The following ARIH2 variants were observed in gnomAD, a reference collection of about 807,000 sequenced individuals.
ARIH2 encodes the protein E3 ubiquitin-protein ligase ARIH2.
A neutral mutation model predicts 79.8 loss-of-function variants in ARIH2; 12 were observed. The ratio of observed to expected loss-of-function variants is 0.15; its 90% CI spans 0.10 to 0.24. The LOEUF (loss-of-function observed/expected upper bound fraction) is 0.24, where lower values mean the gene tolerates loss of function less well. Ranked by LOEUF, ARIH2 falls within the 10% of genes least tolerant of loss-of-function variation. ARIH2 has a pLI of 1.00. For missense variants in ARIH2, 301 were observed against 618.3 expected (o/e 0.49, Z 5.44); for synonymous variants, 224 against 213.9 (o/e 1.05, Z -0.41).
At chr3:48,925,418 CTT>C (rs34604342) in intron 2 of ARIH2, among the ~76,000 whole-genome samples, 264 of 145,310 alleles carry the variant, frequency 1.8e-3, no homozygotes, top group Middle Eastern at 3.5e-3. Context: ...CAGCTGATTT[CTT>C]TTTTTTTTTT....
chr3:48,958,664 G>A (rs1442893056), intron 3 of ARIH2, among the ~76,000 whole-genome samples: 4 of 151,922 alleles, frequency 2.6e-5, no homozygotes, highest in South Asian at 2.1e-4. Flanking sequence ...AGTCGAGATC[G>A]TACCACTGCA....
chr3:48,964,558 G>T (rs1327374341), intron 4 of ARIH2, among the ~76,000 whole-genome samples: 1 of 148,858 alleles, frequency 6.7e-6, no homozygotes, highest in Non-Finnish European at 1.5e-5. Context: ...CAAGTGATCT[G>T]CCCGCCTCGG....
chr3:48,925,931 G>T (rs2085529093), intron 2 of ARIH2, among the ~76,000 whole-genome samples: 1 of 151,986 alleles, frequency 6.6e-6, no homozygotes, highest in Non-Finnish European at 1.5e-5. Flanking sequence ...CGTTGGCCAG[G>T]ATGCTCTTGA....
rs1261607906 is a variant in ARIH2 at position 48,949,202 on chromosome 3, CCACCTCCTGGGTTCATGG to C, written c.256-12407_256-12390del. 9.3e-5 allele frequency: 40 copies of C among 431,562 alleles called. No individual in the cohort carries two copies. In the Middle Eastern group the frequency reaches 4.3e-3, roughly 47 times the overall value. The allele number at this position is 431,562 out of a possible 1,614,324, so 26.7% of individuals were successfully genotyped here. On this transcript the variant is annotated intron_variant, in intron 3 of 15. Transcript: ENST00000356401. The stretch of plus-strand genomic sequence containing the variant: ...GCACGATCTCGGCTCACTGCAAGCT[CCACCTCCTGGGTTCATGG>C]CATTCTCCTGCCTCAGCCTCCTGAG...
intron 3 of ARIH2, among the ~76,000 whole-genome samples, chr3:48,949,751 AC>A (rs1171155396): frequency 3.9e-5 from 6 of 151,918 alleles, no homozygotes. Context: ...AGAATTCTTT[AC>A]ATAGTTTGAA....
chr3:48,939,727 C>T (rs1293988212), intron 3 of ARIH2, among the ~76,000 whole-genome samples: 9 of 126,748 alleles, frequency 7.1e-5, no homozygotes, highest in Admixed American at 2.0e-4. Flanking sequence ...CACTGCACTC[C>T]AGCCTGGGTG....
intron 8 of ARIH2, among the ~76,000 whole-genome samples, chr3:48,971,032 C>T (rs546735189): frequency 1.1e-4 from 17 of 152,304 alleles, no homozygotes; most frequent in African/African-American, 3.6e-4. Context: ...AAGATATAAA[C>T]TTGAACATTT....
chr3:48,961,044 G>A (rs1256312582), intron 3 of ARIH2, among the ~76,000 whole-genome samples: 1 of 152,184 alleles, frequency 6.6e-6, no homozygotes, highest in East Asian at 1.9e-4. Context: ...AGCATATAGA[G>A]GCCAGAAAGG....
rs965751174 is a variant in ARIH2, at chr3:48,984,605, GAA to G, written c.*1338_*1339del. Reference sequence around the variant, plus strand: ...CCTGAACCTGGTCCTGTGGGCCATTGAAAAGTTAGATCTGTGATCTCTGGGGT... The same window carrying G: ...CCTGAACCTGGTCCTGTGGGCCATTGAAGTTAGATCTGTGATCTCTGGGGT... On this transcript the variant is annotated 3_prime_UTR_variant, in exon 16 of 16. Transcript: ENST00000356401. 3 of 152,244 alleles carry G rather than the reference GAA, an allele frequency of 2.0e-5. No individual in the cohort carries two copies. The highest frequency in any genetic ancestry group is 2.9e-5 in the Non-Finnish European group (2 of 68,084). 9.4% of individuals were successfully genotyped at this position (152,244 alleles called of 1,614,324 possible).
intron 4 of ARIH2, among the ~76,000 whole-genome samples, chr3:48,964,421 T>C (rs1273556805): frequency 2.0e-5 from 3 of 151,898 alleles, no homozygotes; most frequent in Non-Finnish European, 4.4e-5. Flanking sequence ...GTTCGAACGA[T>C]TCTCTTGCCT....
At position 48,920,100 on chromosome 3, in the gene ARIH2, C is replaced by T. The variant is rs574876379; in HGVS notation, c.-162+1102C>T. ...GCTCAAGTGATCCTCCTTTCTTAGC[C>T]TCCTAAGTAGCTGGGACCACAGGCA... On this transcript the variant is annotated intron_variant, in intron 1 of 15. Coordinates refer to ENST00000356401, the MANE Select transcript of ARIH2 (RefSeq NM_006321.4). Among the ~76,000 whole-genome samples, 114 of 151,680 alleles carry T rather than the reference C, an allele frequency of 7.5e-4. 1 individual carries two copies. Among genetic ancestry groups the T allele is most frequent in the Middle Eastern group, 3.4e-3 (1 of 294 alleles).
At chr3:48,977,524 C>T (rs867546480) in intron 11 of ARIH2, among the ~76,000 whole-genome samples, 1 of 152,034 alleles carries the variant, frequency 6.6e-6, no homozygotes, top group Admixed American at 6.5e-5. Context: ...GTGGTGCGAT[C>T]TCGGCTCACT....
chr3:48,970,695 A>G lies in ARIH2; in HGVS notation c.761A>G (p.Glu254Gly). Residue 254 changes from glutamate (E) to glycine (G), a missense_variant, in exon 8 of 16, where the codon GAG becomes GGG. This residue lies in a region of ARIH2 where 223 missense variants were observed against 349.4 expected (regional missense o/e 0.64). Coordinates refer to ENST00000356401, the MANE Select transcript of ARIH2 (RefSeq NM_006321.4). ...ARRVQCNRCN[E>G]VFCFKCRQMY... ...CGAGTACAGTGCAATCGGTGCAACG[A>G]GGTCTTCTGGTAAGAGTGAGTGTGA... 1.2e-6 allele frequency: 2 copies of G among 1,613,592 alleles called. No homozygotes were observed. The highest frequency in any genetic ancestry group is 1.7e-6 in the Non-Finnish European group (2 of 1,179,564).
chr3:48,967,361 A>G (rs2091872544), intron 6 of ARIH2, 86 bp downstream of exon 6: 1 of 1,439,962 alleles, frequency 6.9e-7, no homozygotes, highest in African/African-American at 1.4e-5. Flanking sequence ...TAAACTGAGT[A>G]TTTTCTTCTG....
intron 8 of ARIH2, chr3:48,970,906 G>A (rs2092187599): frequency 2.1e-6 from 1 of 480,296 alleles, no homozygotes; most frequent in African/African-American, 2.0e-5. Flanking sequence ...CTGGAGGCAA[G>A]GAAGTGACAC....
chr3:48,926,425 G>T (rs907269564), intron 2 of ARIH2, among the ~76,000 whole-genome samples: 2 of 148,360 alleles, frequency 1.3e-5, no homozygotes, highest in Non-Finnish European at 3.0e-5. Flanking sequence ...CTGTCACCAC[G>T]CCTGCTTAAT....
chr3:48,966,243 C>T (rs188473738), intron 5 of ARIH2, among the ~76,000 whole-genome samples: 1 of 152,198 alleles, frequency 6.6e-6, no homozygotes, highest in East Asian at 1.9e-4. Flanking sequence ...ATAATTTCTG[C>T]AGCCTCTTAA....
In ARIH2 at chr3:48,957,701, T is replaced by TTTTG. The variant is rs535577598; in HGVS notation, c.256-3887_256-3884dup. On this transcript the variant is annotated intron_variant, in intron 3 of 15. Transcript: ENST00000356401. ...ATCTAAAACAGTATCACTTCATTGT[T>TTTTG]TTTGTTTGTTTGTTTGTTTGTTTGT... Among the ~76,000 whole-genome samples, 134 of 152,094 alleles carry TTTTG rather than the reference T, an allele frequency of 8.8e-4. 1 individual carries two copies. The highest frequency in any genetic ancestry group is 2.5e-3 in the South Asian group (12 of 4,810).
In ARIH2 at chr3:48,927,496, A is replaced by C; in HGVS notation, c.-63A>C. 6.4e-7 allele frequency: 1 copy of C among 1,564,740 alleles called. No homozygotes were observed. Among genetic ancestry groups the C allele is most frequent in the Non-Finnish European group, 8.6e-7 (1 of 1,158,854 alleles). Reference sequence around the variant, plus strand: ...ATACTAATGCATTTGAGAAAGCGGTAGTTTTGGGGGGAGGGGGAAAAAGCA... The same window carrying C: ...ATACTAATGCATTTGAGAAAGCGGTCGTTTTGGGGGGAGGGGGAAAAAGCA... On this transcript the variant is annotated 5_prime_UTR_variant, in exon 3 of 16. An upstream open reading frame in the 5' UTR loses its in-frame stop. Transcript: ENST00000356401.
Sources: gnomAD v4.1 joint callset for allele counts (sites outside exome capture counted in the v4.1 genomes callset) on GRCh38, gnomAD v4.1.1 for gene constraint, gnomAD v4.1.1 regional missense constraint, MANE v1.5 for transcripts, NCBI Gene and HGNC (gene_info 2026-07-23, HGNC 2026-07-21) for gene names.